GABRG3: variants seen among roughly 807,000 people sequenced by gnomAD.
The protein encoded by GABRG3 is gamma-aminobutyric acid receptor subunit gamma-3.
A neutral mutation model predicts 48.8 loss-of-function variants in GABRG3; 25 were observed. That is an observed-to-expected ratio of 0.51 (90% confidence interval 0.37 to 0.72). The LOEUF (loss-of-function observed/expected upper bound fraction) is 0.72. Among genes scored for constraint, GABRG3 ranks in the 30% least tolerant of loss-of-function variants. The probability of loss-of-function intolerance (pLI) is 0.00; values close to 1 mark genes in which losing one functional copy is unlikely to be tolerated. For synonymous variants in GABRG3, 227 were observed against 217.6 expected, an observed-to-expected ratio of 1.04 and a Z score of -0.38; for missense variants, 394 against 577.9, an observed-to-expected ratio of 0.68 and a Z score of 3.26.
intron 2 of GABRG3, among the ~76,000 whole-genome samples, chr15:27,010,366 C>G (rs1212383036): frequency 2.0e-5 from 3 of 152,192 alleles, no homozygotes; most frequent in African/African-American, 7.2e-5. Context: ...ATAACTTTAG[C>G]AATCAGGGTA....
At chr15:27,282,860 T>C (rs1488841362) in intron 3 of GABRG3, among the ~76,000 whole-genome samples, 2 of 152,164 alleles carry the variant, frequency 1.3e-5, no homozygotes, top group African/African-American at 4.8e-5. Context: ...ATCAGTCCTC[T>C]GCTAAAATCG....
chr15:27,210,389 T>C (rs182034985), intron 3 of GABRG3, among the ~76,000 whole-genome samples: 2 of 152,348 alleles, frequency 1.3e-5, no homozygotes, highest in Admixed American at 6.5e-5. Context: ...TTGACTCATG[T>C]AGTTTTCAAG....
chr15:27,161,392 T>C (rs1887182559), intron 3 of GABRG3: 1 of 152,108 alleles, frequency 6.6e-6, no homozygotes, highest in Non-Finnish European at 1.5e-5. Flanking sequence ...CCAAGTTCCA[T>C]GGGGGCAGTG....
chr15:27,455,445 T>C (rs1889238364), intron 5 of GABRG3, among the ~76,000 whole-genome samples: 3 of 150,668 alleles, frequency 2.0e-5, no homozygotes, highest in East Asian at 2.0e-4. Context: ...ATGGTATGTA[T>C]GCCATGTGTG....
intron 5 of GABRG3, among the ~76,000 whole-genome samples, chr15:27,384,233 A>G (rs942577881): frequency 3.9e-5 from 6 of 152,202 alleles, no homozygotes; most frequent in Non-Finnish European, 8.8e-5. Context: ...GCATCATTGC[A>G]AGCAGTGAGA....
chr15:27,026,652 C>A, intron 2 of GABRG3, 102 bp from the exon 3 acceptor site: 3 of 643,700 alleles, frequency 4.7e-6, no homozygotes, highest in Non-Finnish European at 7.6e-6. Flanking sequence ...GTGTTTCCAC[C>A]ATGTCCTTGT....
Position 27,100,193 on chromosome 15 carries a change from G to T in GABRG3, c.270+73372G>T, listed in dbSNP as rs376513216. ...AGATCGTGCCACTGCACTCCAGCCT[G>T]GGTGACAGAGCAAGACCCTGTCTCA... On this transcript the variant is annotated intron_variant, in intron 3 of 9. Coordinates refer to ENST00000615808, the MANE Select transcript of GABRG3 (RefSeq NM_033223.5). Among the ~76,000 whole-genome samples, 45 of 146,826 alleles carry T rather than the reference G, an allele frequency of 3.1e-4. No homozygotes were observed. In the East Asian group the frequency reaches 3.2e-3, roughly 11 times the overall value.
In GABRG3 at chr15:27,256,239, A is replaced by G. The variant is rs377619689; in HGVS notation, c.271-70570A>G. Among the ~76,000 whole-genome samples, 335 of 151,996 alleles carry G rather than the reference A, an allele frequency of 2.2e-3. 3 individuals carry two copies. The highest frequency in any genetic ancestry group is 6.8e-3 in the Middle Eastern group (2 of 294). ...GGGCGGATCAGGAGGTCAGGAGATC[A>G]AGACCATCCTGGCTAACATGGTGAA... On this transcript the variant is annotated intron_variant, in intron 3 of 9. Transcript: ENST00000615808.
At position 27,209,419 on chromosome 15, in the gene GABRG3, T is replaced by C. The variant is rs552766335; in HGVS notation, c.271-117390T>C. 3.9e-5 allele frequency among the ~76,000 whole-genome samples: 6 copies of C among 152,000 alleles called. No individual in the cohort carries two copies. The South Asian group carries it at 1.2e-3, about 32-fold the overall frequency. ...TTTCTTTTTTTTTTGAGATGGACTC[T>C]TCTTCTGTTGCCCAGGCTGGAGTGC... is the stretch of plus-strand genomic sequence containing the variant. On this transcript the variant is annotated intron_variant, in intron 3 of 9. Transcript: ENST00000615808.
In GABRG3 at chr15:27,168,356, C is replaced by A. The variant is rs191656344; in HGVS notation, c.270+141535C>A. 1.0e-3 allele frequency among the ~76,000 whole-genome samples: 153 copies of A among 151,776 alleles called. 1 individual carries two copies. In the Middle Eastern group the frequency reaches 0.02, roughly 20 times the overall value. ...CCTCCACCACTCCCCAGCAGGCAGT[C>A]GCCCCACACATGTCTGAACACACAC... On this transcript the variant is annotated intron_variant, in intron 3 of 9. Transcript: ENST00000615808.
chr15:27,055,385 A>T (rs556526571), intron 3 of GABRG3, among the ~76,000 whole-genome samples: 35 of 152,334 alleles, frequency 2.3e-4, no homozygotes, highest in African/African-American at 8.2e-4. Context: ...ATAAGTATTT[A>T]TTTAGGAAGT....
intron 3 of GABRG3, among the ~76,000 whole-genome samples, chr15:27,035,027 G>A (rs1034226739): frequency 6.6e-6 from 1 of 152,186 alleles, no homozygotes; most frequent in East Asian, 1.9e-4. Context: ...CACAGGTAAT[G>A]GAGCAACGCA....
intron 5 of GABRG3, among the ~76,000 whole-genome samples, chr15:27,400,324 A>T (rs1270373064): frequency 6.6e-6 from 1 of 152,198 alleles, no homozygotes; most frequent in Non-Finnish European, 1.5e-5. Flanking sequence ...TTTTTGCAAG[A>T]TACCTCACAT....
At chr15:27,174,607 T>TCTCTCTCC (rs1276950149) in intron 3 of GABRG3, among the ~76,000 whole-genome samples, 1 of 151,764 alleles carries the variant, frequency 6.6e-6, no homozygotes, top group African/African-American at 2.4e-5. Context: ...TCTCTCTCTC[T>TCTCTCTCC]CTCTCTCTCT....
intron 2 of GABRG3, among the ~76,000 whole-genome samples, chr15:27,014,171 G>A (rs752806888): frequency 6.6e-6 from 1 of 151,738 alleles, no homozygotes; most frequent in Non-Finnish European, 1.5e-5. Flanking sequence ...TTTAAGTATC[G>A]TTATTTGAGT....
intron 5 of GABRG3, among the ~76,000 whole-genome samples, chr15:27,390,314 C>A (rs902197925): frequency 6.6e-6 from 1 of 152,194 alleles, no homozygotes; most frequent in African/African-American, 2.4e-5. Flanking sequence ...ACGTGGTAAA[C>A]TGTGAACAGC....
intron 3 of GABRG3, among the ~76,000 whole-genome samples, chr15:27,134,341 C>T (rs748010769): frequency 1.3e-5 from 2 of 152,152 alleles, no homozygotes; most frequent in Non-Finnish European, 2.9e-5. Context: ...CAGTTCCAGC[C>T]ACTCCTTGTC....
chr15:27,160,614 A>T (rs1887146498), intron 3 of GABRG3, among the ~76,000 whole-genome samples: 1 of 150,940 alleles, frequency 6.6e-6, no homozygotes, highest in African/African-American at 2.4e-5. Context: ...AATACTTAGG[A>T]TGTTTCTTTT....
intron 5 of GABRG3, among the ~76,000 whole-genome samples, chr15:27,388,911 C>T (rs141689358): frequency 3.0e-3 from 463 of 152,242 alleles, no homozygotes; most frequent in African/African-American, 0.011. Flanking sequence ...AATTTTTCCT[C>T]GCCTTAACCC....
Sources: allele counts gnomAD v4.1 joint callset (sites outside exome capture counted in the v4.1 genomes callset), GRCh38; gene constraint gnomAD v4.1.1; transcripts MANE v1.5; gene names NCBI Gene and HGNC (gene_info 2026-07-23, HGNC 2026-07-21).